Variants in ADGRL2 observed in about 807,000 individuals in gnomAD.
ADGRL2 encodes adhesion G protein-coupled receptor L2.
In ADGRL2, 44 loss-of-function variants were observed where a neutral mutation model predicts 157.4. The observed-to-expected ratio is 0.28, with a 90% CI of 0.22 to 0.36. The LOEUF is 0.36. ADGRL2 is among the 10% of genes least tolerant of loss of function. The pLI is 1.00. For missense variants in ADGRL2, 1,510 were observed against 1,768.9 expected, an observed-to-expected ratio of 0.85 and a Z score of 2.63; for synonymous variants, 585 against 624.7, an observed-to-expected ratio of 0.94 and a Z score of 0.95.
In ADGRL2 at chr1:81,888,727, C is replaced by T. The variant is rs577859939; in HGVS notation, c.74-18290C>T. 3.9e-5 allele frequency among the ~76,000 whole-genome samples: 6 copies of T among 152,276 alleles called. No homozygotes were observed. In the Middle Eastern group the frequency reaches 0.01, roughly 259 times the overall value. ...TTGGCCTCCCAAAGTGCTGGGATTA[C>T]AAGTGTGAACCACTGCGCCCGGCCT... On this transcript the variant is annotated intron_variant, in intron 2 of 23. Coordinates refer to ENST00000686636, the MANE Select transcript of ADGRL2 (RefSeq NM_001366006.2).
intron 9 of ADGRL2, among the ~76,000 whole-genome samples, chr1:81,952,628 A>G (rs940177343): frequency 1.6e-4 from 24 of 152,098 alleles, no homozygotes. Context: ...TTTTCCTATT[A>G]TGACAAAAGT....
intron 3 of ADGRL2, among the ~76,000 whole-genome samples, chr1:81,597,466 TA>T (rs985849894): frequency 3.3e-5 from 5 of 152,214 alleles, no homozygotes; most frequent in Admixed American, 2.6e-4. Flanking sequence ...GCAGTAATGA[TA>T]AAAACGTGAA....
chr1:81,648,789 T>C (rs2082359164), intron 3 of ADGRL2, among the ~76,000 whole-genome samples: 1 of 152,144 alleles, frequency 6.6e-6, no homozygotes, highest in Non-Finnish European at 1.5e-5. Context: ...TAGCCTGAAA[T>C]AATTGAGAAA....
chr1:81,952,164 T>C (rs1460550659), intron 9 of ADGRL2, 22 bp downstream of exon 9: 8 of 1,569,378 alleles, frequency 5.1e-6, no homozygotes, highest in Non-Finnish European at 6.1e-6. Context: ...TCTTCTGTTA[T>C]TTTGAATTAG....
intron 3 of ADGRL2, among the ~76,000 whole-genome samples, chr1:81,921,020 G>A (rs537981510): frequency 2.0e-5 from 3 of 152,064 alleles, no homozygotes; most frequent in Admixed American, 2.0e-4. Flanking sequence ...AAAAGAAAGT[G>A]CTTCTGATTG....
At chr1:81,634,237 C>T (rs1457632312) in intron 3 of ADGRL2, among the ~76,000 whole-genome samples, 2 of 152,156 alleles carry the variant, frequency 1.3e-5, no homozygotes, top group Non-Finnish European at 2.9e-5. Flanking sequence ...TAATCTCTTG[C>T]CCAGACTACT....
intron 6 of ADGRL2, among the ~76,000 whole-genome samples, chr1:81,946,872 C>A (rs1200946135): frequency 6.6e-6 from 1 of 152,120 alleles, no homozygotes; most frequent in African/African-American, 2.4e-5. Flanking sequence ...AGGGTGAATT[C>A]TTGGACCTCA....
At chr1:81,502,485 C>G in intron 2 of ADGRL2, 1 of 1,613,948 alleles carries the variant, frequency 6.2e-7, no homozygotes, top group Non-Finnish European at 8.5e-7. Flanking sequence ...AGGCGGACCC[C>G]CATCAACCGA....
intron 1 of ADGRL2, among the ~76,000 whole-genome samples, chr1:81,829,309 T>C (rs901647136): frequency 6.6e-6 from 1 of 152,224 alleles, no homozygotes; most frequent in Admixed American, 6.5e-5. Context: ...GCTTTATCTT[T>C]AGTACTATTA....
chr1:81,698,714 G>T (rs180712915), upstream of ADGRL2, among the ~76,000 whole-genome samples: 1 of 152,262 alleles, frequency 6.6e-6, no homozygotes, highest in African/African-American at 2.4e-5. Context: ...CAAGTCAAAT[G>T]CATGACCTTT....
chr1:81,744,847 T>C (rs1414298303), intron 1 of ADGRL2, among the ~76,000 whole-genome samples: 1 of 152,330 alleles, frequency 6.6e-6, no homozygotes. Flanking sequence ...AATAAGCTCA[T>C]ATGAAATTAT....
At chr1:81,670,381 C>G (rs888842114) in intron 3 of ADGRL2, among the ~76,000 whole-genome samples, 10 of 152,144 alleles carry the variant, frequency 6.6e-5, no homozygotes, top group African/African-American at 2.2e-4. Context: ...TGCTCTCAAT[C>G]TGATTGTAGA....
intron 3 of ADGRL2, among the ~76,000 whole-genome samples, chr1:81,692,621 T>C (rs1259803770): frequency 6.6e-6 from 1 of 152,200 alleles, no homozygotes; most frequent in Admixed American, 6.5e-5. Context: ...TAAATTGCTA[T>C]AGCACATCGT....
At chr1:81,525,405 C>T (rs2148199887) in intron 2 of ADGRL2, among the ~76,000 whole-genome samples, 1 of 152,244 alleles carries the variant, frequency 6.6e-6, no homozygotes, top group Non-Finnish European at 1.5e-5. Context: ...GCAACCTCCG[C>T]CTCCTGGGTT....
At chr1:81,797,529 G>A (rs2087650197), upstream of ADGRL2, among the ~76,000 whole-genome samples, 1 of 152,102 alleles carries the variant, frequency 6.6e-6, no homozygotes, top group Non-Finnish European at 1.5e-5. Context: ...CCAGAGTAGG[G>A]CAGTGAAAGT....
chr1:81,392,169 C>G (rs1238036064), intron 1 of ADGRL2, among the ~76,000 whole-genome samples: 3 of 151,682 alleles, frequency 2.0e-5, no homozygotes, highest in Non-Finnish European at 4.4e-5. Context: ...TATCTCTACA[C>G]CATGTGTAAA....
chr1:81,698,822 G>A (rs17106941), upstream of ADGRL2, among the ~76,000 whole-genome samples: 574 of 152,156 alleles, frequency 3.8e-3, 2 homozygotes, highest in African/African-American at 0.013. Context: ...CTAAAATCTG[G>A]TCTTGCTTCT....
intron 2 of ADGRL2, among the ~76,000 whole-genome samples, chr1:81,887,883 G>A (rs1295150075): frequency 6.6e-6 from 1 of 152,118 alleles, no homozygotes; most frequent in Non-Finnish European, 1.5e-5. Flanking sequence ...GTCAGGCCCA[G>A]AAAATACCTC....
At chr1:81,969,486 C>A in intron 15 of ADGRL2, 99 bp downstream of exon 15, 1 of 761,472 alleles carries the variant, frequency 1.3e-6, no homozygotes, top group Non-Finnish European at 2.2e-6. Context: ...GACCTTGTAA[C>A]TTGATAGAAT....
Sources: gnomAD v4.1 joint callset for allele counts (sites outside exome capture counted in the v4.1 genomes callset) on GRCh38, gnomAD v4.1.1 for gene constraint, MANE v1.5 for transcripts, NCBI Gene and HGNC (gene_info 2026-07-23, HGNC 2026-07-21) for gene names.